Variants in NCOA2 observed in about 807,000 individuals in gnomAD.
The protein encoded by NCOA2 is class E basic helix-loop-helix protein 75.
NCOA2 carries 21 observed loss-of-function variants against 145.1 expected under a neutral mutation model. That is an observed-to-expected ratio of 0.14 (90% confidence interval 0.10 to 0.21). NCOA2 has a LOEUF of 0.21. NCOA2 is among the 10% of genes least tolerant of loss of function. The pLI is 1.00. For synonymous variants in NCOA2, 619 were observed against 637.5 expected (o/e 0.97, Z 0.44); for missense variants, 1,472 against 1,837.6 (o/e 0.80, Z 3.64).
intron 2 of NCOA2, among the ~76,000 whole-genome samples, chr8:70,281,355 C>CA (rs372574771): frequency 0.061 from 3,722 of 60,552 alleles, 293 homozygotes; most frequent in Non-Finnish European, 0.098. Context: ...GACCCTGTCT[C>CA]AAAAAAAAAA....
At chr8:70,240,234 G>A (rs947803997) in intron 2 of NCOA2, among the ~76,000 whole-genome samples, 2 of 152,118 alleles carry the variant, frequency 1.3e-5, no homozygotes, top group African/African-American at 4.8e-5. Flanking sequence ...ACCTTTCAAA[G>A]CTGTTTCCAT....
intron 1 of NCOA2, among the ~76,000 whole-genome samples, chr8:70,313,656 A>C (rs1307548729): frequency 6.6e-6 from 1 of 152,222 alleles, no homozygotes; most frequent in Non-Finnish European, 1.5e-5. Context: ...TTAACAACAG[A>C]GTAAGTTATA....
chr8:70,228,693 G>C (rs1276832141), intron 2 of NCOA2, among the ~76,000 whole-genome samples: 2 of 152,120 alleles, frequency 1.3e-5, no homozygotes, highest in Non-Finnish European at 2.9e-5. Context: ...TACACCTATG[G>C]ATAAAGATCT....
chr8:70,394,895 A>T (rs1451353622), intron 1 of NCOA2, among the ~76,000 whole-genome samples: 1 of 152,242 alleles, frequency 6.6e-6, no homozygotes, highest in African/African-American at 2.4e-5. Flanking sequence ...ACAACAAATC[A>T]GCCAATACCT....
intron 1 of NCOA2, among the ~76,000 whole-genome samples, chr8:70,336,638 G>A (rs971695866): frequency 3.3e-5 from 5 of 151,854 alleles, no homozygotes; most frequent in African/African-American, 9.7e-5. Context: ...GAGAGAAAAC[G>A]GAGGAAATGC....
intron 15 of NCOA2, among the ~76,000 whole-genome samples, chr8:70,133,084 G>T (rs897441611): frequency 6.6e-6 from 1 of 151,936 alleles, no homozygotes; most frequent in East Asian, 1.9e-4. Context: ...GTGTGTGTGT[G>T]TGTGTGTGTA....
At chr8:70,256,337 C>G (rs1342888724) in intron 2 of NCOA2, among the ~76,000 whole-genome samples, 1 of 152,214 alleles carries the variant, frequency 6.6e-6, no homozygotes, top group African/African-American at 2.4e-5. Flanking sequence ...CTCAACCAGG[C>G]TGCCATTGCT....
At chr8:70,207,887 G>C (rs141809608) in intron 4 of NCOA2, among the ~76,000 whole-genome samples, 1 of 90,784 alleles carries the variant, frequency 1.1e-5, no homozygotes, top group Non-Finnish European at 2.4e-5. Flanking sequence ...AAAAAAAAAA[G>C]AAGAAGAAGA....
chr8:70,250,751 T>C (rs1047001273), intron 2 of NCOA2, among the ~76,000 whole-genome samples: 7 of 152,196 alleles, frequency 4.6e-5, no homozygotes, highest in African/African-American at 1.7e-4. Flanking sequence ...ACATATTTAT[T>C]AATTAAAAAT....
chr8:70,216,902 AT>A (rs1321048503), intron 2 of NCOA2, 138 bp from the exon 3 acceptor site: 2 of 582,732 alleles, frequency 3.4e-6, no homozygotes, highest in African/African-American at 3.7e-5. Flanking sequence ...TTTTATGTGC[AT>A]GTATAATTTC....
chr8:70,405,991 G>A (rs932251511), upstream of NCOA2, among the ~76,000 whole-genome samples: 3 of 152,136 alleles, frequency 2.0e-5, no homozygotes, highest in African/African-American at 4.8e-5. Context: ...AACGCGCTCT[G>A]GTACAATCTC....
At chr8:70,274,008 C>G (rs541331652) in intron 2 of NCOA2, among the ~76,000 whole-genome samples, 171 of 152,304 alleles carry the variant, frequency 1.1e-3, no homozygotes, top group African/African-American at 3.9e-3. Flanking sequence ...CACTACAGCT[C>G]TTTTCAGTTT....
chr8:70,405,437 G>GTTTTTT (rs34814735), upstream of NCOA2, among the ~76,000 whole-genome samples: 676 of 59,382 alleles, frequency 0.011, 135 homozygotes, highest in African/African-American at 0.041. Context: ...ATTTTTAAAG[G>GTTTTTT]TTTTTTTTTT....
chr8:70,397,215 C>G (rs770659248), intron 1 of NCOA2, among the ~76,000 whole-genome samples: 1 of 152,154 alleles, frequency 6.6e-6, no homozygotes, highest in Non-Finnish European at 1.5e-5. Flanking sequence ...TCTTAGCACT[C>G]TGTGAGGCTG....
chr8:70,388,537 A>G (rs570205410), intron 1 of NCOA2, among the ~76,000 whole-genome samples: 3 of 152,334 alleles, frequency 2.0e-5, no homozygotes, highest in South Asian at 2.1e-4. Flanking sequence ...TATATATTAT[A>G]CAATAATTAT....
At chr8:70,354,423 G>A (rs780677438) in intron 1 of NCOA2, among the ~76,000 whole-genome samples, 6 of 152,164 alleles carry the variant, frequency 3.9e-5, no homozygotes, top group Non-Finnish European at 7.3e-5. Context: ...CCCGAAGATA[G>A]TTCTAAGGTA....
chr8:70,445,877 C>A, the NCOA2 span, among the ~76,000 whole-genome samples: 1 of 152,198 alleles, frequency 6.6e-6, no homozygotes, highest in Non-Finnish European at 1.5e-5. Flanking sequence ...CACTGCTGCG[C>A]AATCAGCACT....
chr8:70,242,624 G>A (rs2134485583), intron 2 of NCOA2, among the ~76,000 whole-genome samples: 1 of 152,158 alleles, frequency 6.6e-6, no homozygotes, highest in African/African-American at 2.4e-5. Context: ...AAAATTTGCT[G>A]GCTGTTACAC....
At chr8:70,275,216 T>G (rs1391329510) in intron 2 of NCOA2, among the ~76,000 whole-genome samples, 1 of 152,190 alleles carries the variant, frequency 6.6e-6, no homozygotes, top group Non-Finnish European at 1.5e-5. Context: ...CAAACTTTAC[T>G]TGCAAAACTG....
Sources: allele counts gnomAD v4.1 joint callset (sites outside exome capture counted in the v4.1 genomes callset), GRCh38; gene constraint gnomAD v4.1.1; transcripts MANE v1.5; gene names NCBI Gene and HGNC (gene_info 2026-07-23, HGNC 2026-07-21).